The following APP variants were observed in gnomAD, a reference collection of about 807,000 sequenced individuals.
APP encodes the protein amyloid beta precursor protein.
In APP, 31 loss-of-function variants were observed where a neutral mutation model predicts 101.4. The observed-to-expected ratio is 0.31, with a 90% CI of 0.23 to 0.41. The LOEUF is 0.41. Among genes scored for constraint, APP ranks in the 10% least tolerant of loss-of-function variants. APP has a pLI of 1.00. For synonymous variants in APP, 366 were observed against 364.4 expected (o/e 1.00, Z -0.05); for missense variants, 839 against 1,003.7 (o/e 0.84, Z 2.22).
chr21:26,014,169 C>A (rs951733522), intron 6 of APP, among the ~76,000 whole-genome samples: 1 of 152,220 alleles, frequency 6.6e-6, no homozygotes, highest in African/African-American at 2.4e-5. Context: ...CATGCTACTA[C>A]TGAGGCCTCC....
intron 5 of APP, among the ~76,000 whole-genome samples, chr21:26,032,335 T>C (rs1332315172): frequency 6.6e-6 from 1 of 152,242 alleles, no homozygotes; most frequent in Non-Finnish European, 1.5e-5. Flanking sequence ...AATTTGTGAA[T>C]TCTTTTCCTT....
At chr21:26,045,258 A>C (rs2045559504) in intron 5 of APP, among the ~76,000 whole-genome samples, 1 of 152,024 alleles carries the variant, frequency 6.6e-6, no homozygotes, top group African/African-American at 2.4e-5. Context: ...TTTTACAATA[A>C]TTAAATGAAA....
intron 11 of APP, among the ~76,000 whole-genome samples, chr21:25,958,433 T>C (rs1291054637): frequency 1.3e-5 from 2 of 152,162 alleles, no homozygotes; most frequent in Non-Finnish European, 2.9e-5. Context: ...CGTGCCACCA[T>C]GCTCAGCTAA....
chr21:26,053,019 G>A (rs1426278857), intron 4 of APP, among the ~76,000 whole-genome samples: 2 of 152,092 alleles, frequency 1.3e-5, no homozygotes, highest in African/African-American at 4.8e-5. Context: ...CATGTGTGGG[G>A]ACAGGGGGTA....
intron 1 of APP, among the ~76,000 whole-genome samples, chr21:26,125,232 T>A (rs1601523877): frequency 6.6e-6 from 1 of 152,136 alleles, no homozygotes; most frequent in Non-Finnish European, 1.5e-5. Context: ...AAGAGCAGCA[T>A]CCCACCAGTG....
chr21:25,893,305 C>T (rs1406428330), intron 16 of APP, among the ~76,000 whole-genome samples: 2 of 152,152 alleles, frequency 1.3e-5, no homozygotes, highest in Non-Finnish European at 2.9e-5. Flanking sequence ...CAGTAAATAA[C>T]CCTACAGTGG....
intron 2 of APP, among the ~76,000 whole-genome samples, chr21:26,097,591 T>A (rs890008125): frequency 6.6e-6 from 1 of 152,166 alleles, no homozygotes; most frequent in Non-Finnish European, 1.5e-5. Flanking sequence ...AATCATAGCA[T>A]CTGCTATAAG....
chr21:26,118,235 G>C (rs946879412), intron 1 of APP, among the ~76,000 whole-genome samples: 7 of 152,126 alleles, frequency 4.6e-5, no homozygotes, highest in Admixed American at 2.0e-4. Context: ...ACCAACATTT[G>C]AAGCATGCAT....
At chr21:26,161,573 A>C (rs1425154405) in intron 1 of APP, among the ~76,000 whole-genome samples, 3 of 152,136 alleles carry the variant, frequency 2.0e-5, no homozygotes, top group African/African-American at 7.2e-5. Context: ...AAATAAGCTA[A>C]TTTCCACAGA....
chr21:26,092,214 G>T (rs2061840152), intron 2 of APP, among the ~76,000 whole-genome samples: 1 of 151,970 alleles, frequency 6.6e-6, no homozygotes, highest in Non-Finnish European at 1.5e-5. Flanking sequence ...CTCAATTCCT[G>T]ACTGCCTTGT....
intron 16 of APP, among the ~76,000 whole-genome samples, chr21:25,894,775 A>G (rs1278321546): frequency 6.6e-6 from 1 of 152,248 alleles, no homozygotes; most frequent in Non-Finnish European, 1.5e-5. Context: ...CATAAACTCG[A>G]TGAAGCAGTG....
At chr21:25,899,223 C>T (rs1357439420) in intron 15 of APP, among the ~76,000 whole-genome samples, 1 of 152,214 alleles carries the variant, frequency 6.6e-6, no homozygotes, top group Non-Finnish European at 1.5e-5. Flanking sequence ...GGCAATGGTG[C>T]TACTTCCCCT....
intron 5 of APP, among the ~76,000 whole-genome samples, chr21:26,033,475 A>G (rs554482058): frequency 1.6e-4 from 24 of 152,328 alleles, no homozygotes; most frequent in Middle Eastern, 3.4e-3. Flanking sequence ...ATATCTTTAT[A>G]GCAGTGTGAA....
chr21:25,928,073 G>A (rs2039975528), intron 13 of APP, among the ~76,000 whole-genome samples: 1 of 152,250 alleles, frequency 6.6e-6, no homozygotes, highest in South Asian at 2.1e-4. Flanking sequence ...GGCCAGGCGC[G>A]GTGGCTCACG....
chr21:26,092,705 T>C (rs2061851036), intron 2 of APP, among the ~76,000 whole-genome samples: 1 of 152,198 alleles, frequency 6.6e-6, no homozygotes, highest in Admixed American at 6.5e-5. Flanking sequence ...GTATCAATGT[T>C]GGTTCATCGA....
intron 1 of APP, among the ~76,000 whole-genome samples, chr21:26,153,739 G>C (rs2063323383): frequency 6.6e-6 from 1 of 152,160 alleles, no homozygotes; most frequent in Non-Finnish European, 1.5e-5. Flanking sequence ...TTAACTTCAA[G>C]GTTGATATTT....
intron 2 of APP, among the ~76,000 whole-genome samples, chr21:26,100,241 G>A (rs1568974029): frequency 6.6e-6 from 1 of 151,646 alleles, no homozygotes; most frequent in Non-Finnish European, 1.5e-5. Context: ...AGAAATCTAC[G>A]GTCAGTAAAG....
chr21:25,887,183 G>A (rs1052223696), intron 17 of APP, among the ~76,000 whole-genome samples: 2 of 152,070 alleles, frequency 1.3e-5, no homozygotes, highest in African/African-American at 2.4e-5. Flanking sequence ...GCTACAATAC[G>A]TATTTTTAAA....
At chr21:25,984,025 G>C (rs1465618938) in intron 8 of APP, among the ~76,000 whole-genome samples, 1 of 152,188 alleles carries the variant, frequency 6.6e-6, no homozygotes, top group Non-Finnish European at 1.5e-5. Context: ...CATGATAGGA[G>C]AGCTGGGAAA....
Sources: allele counts gnomAD v4.1 joint callset (sites outside exome capture counted in the v4.1 genomes callset), GRCh38; gene constraint gnomAD v4.1.1; transcripts MANE v1.5; gene names NCBI Gene and HGNC (gene_info 2026-07-23, HGNC 2026-07-21).